Variants in SH3BP5 observed in about 807,000 individuals in gnomAD.
The protein encoded by SH3BP5 is SH3 domain-binding protein 5.
Under a neutral mutation model 43.3 loss-of-function variants are expected in SH3BP5, and 22 were observed. That is an observed-to-expected ratio of 0.51 (90% confidence interval 0.36 to 0.73). SH3BP5 has a LOEUF of 0.73. SH3BP5 is among the 30% of genes least tolerant of loss of function. The pLI is 0.00. For missense variants in SH3BP5, 529 were observed against 586.9 expected (o/e 0.90, Z 1.02); for synonymous variants, 255 against 225.8 (o/e 1.13, Z -1.16).
At chr3:15,266,805 C>T (rs1696658252) in intron 4 of SH3BP5, among the ~76,000 whole-genome samples, 1 of 152,264 alleles carries the variant, frequency 6.6e-6, no homozygotes, top group Admixed American at 6.5e-5. Context: ...CTGCTGCCAC[C>T]TCCTAGTATA....
intron 3 of SH3BP5, among the ~76,000 whole-genome samples, chr3:15,289,608 C>T (rs555863024): frequency 2.0e-5 from 3 of 152,288 alleles, no homozygotes; most frequent in African/African-American, 4.8e-5. Context: ...CTGTTGCTTA[C>T]GATCAAACAT....
rs535771170 is a variant in SH3BP5, at chr3:15,325,694, T to A, written c.201+4810A>T. ...TCCCCATCACCGAAAATTGCCCCCA[T>A]CACGTAGTAGGTGCTCAATAAATAC... On this transcript the variant is annotated intron_variant, in intron 2 of 8. Transcript: ENST00000383791. 5.9e-5 allele frequency among the ~76,000 whole-genome samples: 9 copies of A among 152,286 alleles called. No individual in the cohort carries two copies. The East Asian group carries it at 1.7e-3, about 29-fold the overall frequency.
chr3:15,329,692 A>T (rs1337821301), intron 2 of SH3BP5, among the ~76,000 whole-genome samples: 1 of 152,210 alleles, frequency 6.6e-6, no homozygotes, highest in Non-Finnish European at 1.5e-5. Context: ...CTGCTACAGA[A>T]ACAGACTTTG....
At chr3:15,288,877 T>G (rs1697335016) in intron 3 of SH3BP5, among the ~76,000 whole-genome samples, 1 of 152,220 alleles carries the variant, frequency 6.6e-6, no homozygotes, top group African/African-American at 2.4e-5. Context: ...TTCTGTGACT[T>G]TACAAAACAC....
intron 3 of SH3BP5, chr3:15,273,386 C>T: frequency 6.1e-6 from 6 of 985,390 alleles, no homozygotes; most frequent in Non-Finnish European, 7.2e-6. Flanking sequence ...TGATGAGTTC[C>T]AAATAAGAGA....
chr3:15,326,119 G>A (rs1046615680), intron 2 of SH3BP5, among the ~76,000 whole-genome samples: 17 of 152,262 alleles, frequency 1.1e-4, no homozygotes, highest in African/African-American at 4.1e-4. Context: ...CTGGTTAAAA[G>A]GTTCCTCCTT....
At chr3:15,269,651 C>T (rs1696742404) in intron 4 of SH3BP5, 62 bp downstream of exon 4, 5 of 1,471,104 alleles carry the variant, frequency 3.4e-6, no homozygotes, top group Non-Finnish European at 4.5e-6. Context: ...TACCTCCGCT[C>T]AGGGGAAGCC....
chr3:15,340,554 C>A lies in SH3BP5; in HGVS notation c.-402+669G>T, dbSNP rs375688603. Reference sequence around the variant, plus strand: ...TCACCTGAGATCAGGAGTTTGAGACCAACCTGGCCAACATGGCGAAACCCC... The same window carrying A: ...TCACCTGAGATCAGGAGTTTGAGACAAACCTGGCCAACATGGCGAAACCCC... On this transcript the variant is annotated intron_variant, in intron 1 of 8. Coordinates refer to the SH3BP5 transcript ENST00000408919. 4.6e-5 allele frequency among the ~76,000 whole-genome samples: 7 copies of A among 152,032 alleles called. No individual in the cohort carries two copies. In the South Asian group the frequency reaches 1.5e-3, roughly 32 times the overall value.
At chr3:15,337,500 T>A (rs1449458161), upstream of SH3BP5, among the ~76,000 whole-genome samples, 1 of 152,222 alleles carries the variant, frequency 6.6e-6, no homozygotes, top group East Asian at 1.9e-4. Flanking sequence ...CAACATTAAT[T>A]CAGTACACTT....
intron 5 of SH3BP5, among the ~76,000 whole-genome samples, chr3:15,261,525 T>A: frequency 6.6e-6 from 1 of 152,120 alleles, no homozygotes; most frequent in East Asian, 1.9e-4. Context: ...CTGCTCTGGG[T>A]CTATCTTTGG....
chr3:15,262,866 G>A (rs1373488505), intron 4 of SH3BP5, among the ~76,000 whole-genome samples: 4 of 151,982 alleles, frequency 2.6e-5, no homozygotes, highest in Non-Finnish European at 5.9e-5. Flanking sequence ...GCTGAGGCAG[G>A]AGAATCACCT....
At position 15,332,314 on chromosome 3, in the gene SH3BP5, T is replaced by C. The variant is rs1263227045; in HGVS notation, c.95A>G (p.Glu32Gly). 2 of 1,547,436 alleles carry C rather than the reference T, an allele frequency of 1.3e-6. No homozygotes were observed. Among genetic ancestry groups the C allele is most frequent in the Non-Finnish European group, 1.7e-6 (2 of 1,149,114 alleles). ...DEEEEEEEGM[E>G]QGLEEEEEVD... ...CTCTTCTTCCTCCTCCAGCCCCTGC[T>C]CCATCCCCTCTTCCTCCTCCTCCTC... The change falls in exon 1 of 9, where the codon GAG becomes GGG. Residue 32 changes from glutamate to glycine, a missense_variant. Glu to Gly is a moderately conservative substitution (Grantham distance 98). This residue lies in a region of SH3BP5 where 75 missense variants were observed against 61.8 expected (regional missense o/e 1.21). Transcript: ENST00000383791.
rs983085093 is a variant in SH3BP5, at chr3:15,322,703, C to T, written c.201+7801G>A. Among the ~76,000 whole-genome samples the T allele has an allele frequency of 3.3e-5, 5 of 152,082 alleles. No homozygotes were observed. The South Asian group carries it at 6.2e-4, about 19-fold the overall frequency. On this transcript the variant is annotated intron_variant, in intron 2 of 8. Transcript: ENST00000383791. Reference sequence around the variant, plus strand: ...AACAAAAATTAGCCAGGCGTGGTGGCGCACTCCTGTAGTCCCAGCTACTTG... The same window carrying T: ...AACAAAAATTAGCCAGGCGTGGTGGTGCACTCCTGTAGTCCCAGCTACTTG...
At chr3:15,282,145 A>T (rs1341835254) in intron 3 of SH3BP5, among the ~76,000 whole-genome samples, 1 of 152,188 alleles carries the variant, frequency 6.6e-6, no homozygotes, top group Non-Finnish European at 1.5e-5. Flanking sequence ...CACCAACAAT[A>T]ACCATTGTCT....
chr3:15,267,872 A>C (rs868425846), intron 4 of SH3BP5, among the ~76,000 whole-genome samples: 11 of 152,212 alleles, frequency 7.2e-5, no homozygotes, highest in African/African-American at 2.7e-4. Context: ...AACAGATTAA[A>C]TGACTTCTGA....
Position 15,255,514 on chromosome 3 carries a change from C to T in SH3BP5, c.*572G>A, listed in dbSNP as rs958734545. 5.2e-5 allele frequency: 8 copies of T among 152,608 alleles called. No homozygotes were observed. Among genetic ancestry groups the T allele is most frequent in the African/African-American group, 1.9e-4 (8 of 41,366 alleles). 9.5% of individuals were successfully genotyped at this position (152,608 alleles called of 1,614,324 possible). A position where few individuals can be genotyped will look rare whatever the true frequency, so the allele number is the denominator to read the frequency against. ...TGGTTTTAATGGGTATCCCAGCATA[C>T]ACGCTTTTTTAAAAGCCCCCTCTGA... On this transcript the variant is annotated 3_prime_UTR_variant, in exon 9 of 9. Coordinates refer to ENST00000383791, the MANE Select transcript of SH3BP5 (RefSeq NM_004844.5).
At chr3:15,329,008 G>A (rs1487357582) in intron 2 of SH3BP5, among the ~76,000 whole-genome samples, 1 of 152,126 alleles carries the variant, frequency 6.6e-6, no homozygotes, top group Admixed American at 6.6e-5. Context: ...TCATTAGCCA[G>A]GCATGGTGGT....
intron 5 of SH3BP5, 86 bp downstream of exon 5, chr3:15,262,073 T>G (rs1696463753): frequency 1.3e-5 from 20 of 1,503,654 alleles, no homozygotes; most frequent in Non-Finnish European, 1.8e-5. Flanking sequence ...CTCAGGGTGG[T>G]CCTTGAGTGT....
intron 7 of SH3BP5, 22 bp from the exon 8 acceptor site, chr3:15,257,135 G>A: frequency 6.2e-7 from 1 of 1,607,800 alleles, no homozygotes; most frequent in Non-Finnish European, 8.5e-7. Context: ...GAGAACACCA[G>A]TCACATGGGT....
Sources: allele counts gnomAD v4.1 joint callset (sites outside exome capture counted in the v4.1 genomes callset), GRCh38; gene constraint gnomAD v4.1.1; regional missense constraint gnomAD v4.1.1; transcripts MANE v1.5; gene names NCBI Gene and HGNC (gene_info 2026-07-23, HGNC 2026-07-21).